Variants in LMBRD1 observed in about 807,000 individuals in gnomAD.
LMBRD1 encodes LMBR1 domain containing 1, also known as lysosomal cobalamin transport escort protein LMBD1.
In LMBRD1, 64 loss-of-function variants were observed where a neutral mutation model predicts 74.8. The observed-to-expected ratio is 0.86, with a 90% CI of 0.70 to 1.05. The LOEUF (loss-of-function observed/expected upper bound fraction) is 1.05, where lower values mean the gene tolerates loss of function less well. Ranked by LOEUF, LMBRD1 falls within the 50% of genes least tolerant of loss-of-function variation. LMBRD1 has a pLI of 0.00. For synonymous variants in LMBRD1, 204 were observed against 216.3 expected, an observed-to-expected ratio of 0.94 and a Z score of 0.50; for missense variants, 652 against 645.9, an observed-to-expected ratio of 1.01 and a Z score of -0.10.
chr6:69,768,720 T>C (rs2168712), intron 3 of LMBRD1, among the ~76,000 whole-genome samples: 86,243 of 151,852 alleles, frequency 0.57, 24,999 homozygotes, highest in East Asian at 0.73. Flanking sequence ...CATTTCCTTT[T>C]ATCCTTAAAG....
At position 69,697,583 on chromosome 6, in the gene LMBRD1, C is replaced by CGA. The variant is rs764930914; in HGVS notation, c.1396_1397insTC (p.Cys466PhefsTer42). The CGA allele has an allele frequency of 6.2e-7, 1 of 1,606,706 alleles. No individual in the cohort carries two copies. Among genetic ancestry groups the CGA allele is most frequent in the South Asian group, 1.1e-5 (1 of 90,916 alleles). On this transcript the variant is annotated frameshift_variant, in exon 14 of 16. Coordinates refer to ENST00000649934, the MANE Select transcript of LMBRD1 (RefSeq NM_018368.4). LOFTEE classifies it high-confidence loss of function. ...TTTACCTTCAGGAGCATCTGCATCA[C>CGA]ATCTCTTTGGCACAGAAAGGGTTGA...
intron 14 of LMBRD1, among the ~76,000 whole-genome samples, chr6:69,694,281 T>A (rs1259991479): frequency 5.9e-5 from 9 of 152,198 alleles, no homozygotes; most frequent in African/African-American, 1.7e-4. Flanking sequence ...TTGTAACAAT[T>A]TGAACAACAG....
At chr6:69,721,023 T>G (rs1766602504) in intron 7 of LMBRD1, among the ~76,000 whole-genome samples, 1 of 152,182 alleles carries the variant, frequency 6.6e-6, no homozygotes, top group African/African-American at 2.4e-5. Context: ...GCTCAGCTAG[T>G]GCCCATGCAT....
At chr6:69,786,059 T>C (rs906393973) in intron 2 of LMBRD1, among the ~76,000 whole-genome samples, 1 of 152,222 alleles carries the variant, frequency 6.6e-6, no homozygotes, top group African/African-American at 2.4e-5. Flanking sequence ...TATTTCCTCA[T>C]AGAATTTATC....
chr6:69,774,264 G>A (rs1046488152), intron 3 of LMBRD1, among the ~76,000 whole-genome samples: 3 of 152,040 alleles, frequency 2.0e-5, no homozygotes, highest in Non-Finnish European at 1.5e-5. Context: ...GCTCCTCCTC[G>A]CCTTCCACCA....
rs1369059268 is a variant in LMBRD1 at position 69,737,984 on chromosome 6, A to G, written c.594T>C (p.Ser198=). ...CCAACATTCCAATCAAGGTCAGAGA[A>G]CTGATAGAAAATGACAATGCAGCTA... ...HGLAALSFSI[S]SLTLIGMLAA... is the part of the protein sequence containing the mutation. The change falls in exon 7 of 16, where the codon AGT becomes AGC. Residue 198 remains serine, a synonymous_variant. Transcript: ENST00000649934. The G allele has an allele frequency of 6.2e-7, 1 of 1,610,924 alleles. No individual in the cohort carries two copies. Among genetic ancestry groups the G allele is most frequent in the Non-Finnish European group, 8.5e-7 (1 of 1,178,076 alleles).
chr6:69,765,228 C>T (rs9454889), intron 3 of LMBRD1, among the ~76,000 whole-genome samples: 1 of 151,846 alleles, frequency 6.6e-6, no homozygotes, highest in East Asian at 1.9e-4. Flanking sequence ...ATTGTGCCCC[C>T]CTCCCTTAAT....
chr6:69,796,333 A>G (rs943964180), intron 1 of LMBRD1, among the ~76,000 whole-genome samples: 11 of 152,204 alleles, frequency 7.2e-5, no homozygotes, highest in African/African-American at 2.7e-4. Context: ...CAGAGGTTGG[A>G]GACTCACTAG....
At chr6:69,686,752 T>C (rs1194853774) in intron 14 of LMBRD1, among the ~76,000 whole-genome samples, 1 of 152,160 alleles carries the variant, frequency 6.6e-6, no homozygotes, top group Non-Finnish European at 1.5e-5. Context: ...AACGCTTCTG[T>C]CAACCTGCTT....
intron 9 of LMBRD1, chr6:69,705,844 G>A: frequency 7.6e-7 from 1 of 1,322,424 alleles, no homozygotes; most frequent in Non-Finnish European, 1.1e-6. Flanking sequence ...CACTGGCCCT[G>A]AACCACACTT....
At chr6:69,706,628 A>G (rs1582069707) in intron 9 of LMBRD1, among the ~76,000 whole-genome samples, 1 of 152,232 alleles carries the variant, frequency 6.6e-6, no homozygotes, top group East Asian at 1.9e-4. Context: ...TAGGTCTTCT[A>G]TATTCTTACT....
chr6:69,678,642 C>A (rs1029914069), intron 14 of LMBRD1, among the ~76,000 whole-genome samples: 12 of 151,958 alleles, frequency 7.9e-5, no homozygotes, highest in African/African-American at 2.9e-4. Context: ...TGGACAATGG[C>A]AAAAAGATCC....
chr6:69,777,861 G>C (rs1240480728), intron 3 of LMBRD1, among the ~76,000 whole-genome samples: 1 of 152,186 alleles, frequency 6.6e-6, no homozygotes, highest in Non-Finnish European at 1.5e-5. Flanking sequence ...TGTGTTTTCT[G>C]TTTGAACTCT....
intron 1 of LMBRD1, chr6:69,790,736 T>G: frequency 2.2e-6 from 1 of 451,012 alleles, no homozygotes; most frequent in Non-Finnish European, 4.1e-6. Context: ...TTAAACACAG[T>G]GCAAACGTTA....
At chr6:69,756,514 A>G (rs1035114918) in intron 3 of LMBRD1, among the ~76,000 whole-genome samples, 8 of 152,254 alleles carry the variant, frequency 5.3e-5, no homozygotes, top group Non-Finnish European at 1.2e-4. Context: ...GAATGCAGAA[A>G]CAACTAACAT....
rs78504108 is a variant in LMBRD1, at chr6:69,779,442, T to C, written c.307+1052A>G. Reference sequence around the variant, plus strand: ...TTATTATAAAGCTTTTATAATCTAATACTGAGAATGATGTTTGAGGGAGGG... The same window carrying C: ...TTATTATAAAGCTTTTATAATCTAACACTGAGAATGATGTTTGAGGGAGGG... On this transcript the variant is annotated intron_variant, in intron 3 of 15. Coordinates refer to ENST00000649934, the MANE Select transcript of LMBRD1 (RefSeq NM_018368.4). 3.5e-3 allele frequency among the ~76,000 whole-genome samples: 530 copies of C among 152,192 alleles called. 1 individual carries two copies. Among genetic ancestry groups the C allele is most frequent in the African/African-American group, 0.012 (512 of 41,500 alleles).
rs1284949506 is a variant in LMBRD1, at chr6:69,749,352, A to C, written c.462T>G (p.Leu154=). The C allele has an allele frequency of 3.1e-6, 5 of 1,610,522 alleles. No homozygotes were observed. Among genetic ancestry groups the C allele is most frequent in the Admixed American group, 1.7e-5 (1 of 59,910 alleles). Residue 154 remains leucine, a synonymous_variant, in exon 5 of 16, where the codon CTT becomes CTG. Coordinates refer to ENST00000649934, the MANE Select transcript of LMBRD1 (RefSeq NM_018368.4). ...AAATCAAGACTTACCCAACTAAAAG[A>C]AGCAGTGCACAAATCACAACAAATC... ...TLGFVVICAL[L]LLVGAFVPLN... is the part of the protein sequence containing the mutation.
At chr6:69,763,726 G>C (rs188729804) in intron 3 of LMBRD1, among the ~76,000 whole-genome samples, 1 of 152,162 alleles carries the variant, frequency 6.6e-6, no homozygotes, top group Admixed American at 6.5e-5. Context: ...AATGGTAGAG[G>C]CAGGACCATC....
chr6:69,796,122 T>C (rs960175188), intron 1 of LMBRD1, among the ~76,000 whole-genome samples: 11 of 152,312 alleles, frequency 7.2e-5, no homozygotes, highest in South Asian at 2.1e-4. Flanking sequence ...TCACTGAATA[T>C]GCAGAAATAA....
Sources: gnomAD v4.1 joint callset for allele counts (sites outside exome capture counted in the v4.1 genomes callset) on GRCh38, gnomAD v4.1.1 for gene constraint, MANE v1.5 for transcripts, NCBI Gene and HGNC (gene_info 2026-07-23, HGNC 2026-07-21) for gene names.